RTL4: variants seen among roughly 807,000 people sequenced by gnomAD.
RTL4 encodes the protein retrotransposon Gag like 4, also known as retrotransposon Gag-like protein 4.
In RTL4, 4 loss-of-function variants were observed where a neutral mutation model predicts 5.3. That is an observed-to-expected ratio of 0.75 (90% CI 0.37 to 1.72). The LOEUF is 1.72. RTL4 is among the 40% of genes most tolerant of loss of function. The pLI, the probability that RTL4 is intolerant of heterozygous loss-of-function variation, is 0.04. For synonymous variants in RTL4, 98 were observed against 87.3 expected (o/e 1.12, Z -0.68); for missense variants, 260 against 227.1 (o/e 1.14, Z -0.93).
the RTL4 span, among the ~76,000 whole-genome samples, chrX:112,083,293 T>C: frequency 8.9e-6 from 1 of 112,615 alleles, no homozygotes. Flanking sequence ...GAATATCCCC[T>C]GCTTTGGGCA....
At chrX:112,347,373 C>T in the RTL4 span, among the ~76,000 whole-genome samples, 1 of 111,653 alleles carries the variant, frequency 9.0e-6, no homozygotes, top group African/African-American at 3.3e-5. Context: ...GGTCAAGAAA[C>T]TCTTAGCCAG....
At chrX:112,383,943 A>G in the RTL4 span, among the ~76,000 whole-genome samples, 1 of 111,869 alleles carries the variant, frequency 8.9e-6, no homozygotes, top group Non-Finnish European at 1.9e-5. Context: ...CAATATACTC[A>G]GCATCATGCA....
the RTL4 span, among the ~76,000 whole-genome samples, chrX:112,427,309 C>A: frequency 1.8e-5 from 2 of 111,125 alleles, no homozygotes; most frequent in Non-Finnish European, 3.8e-5. Flanking sequence ...TAATGTAATC[C>A]TTCACATCCA....
chrX:112,216,201 C>G, the RTL4 span, among the ~76,000 whole-genome samples: 1 of 111,662 alleles, frequency 9.0e-6, no homozygotes, highest in African/African-American at 3.3e-5. Context: ...TAAAATTTCC[C>G]ATAACCCTTT....
the RTL4 span, among the ~76,000 whole-genome samples, chrX:112,090,110 GTTCTAATA>G: frequency 9.1e-6 from 1 of 110,206 alleles, no homozygotes; most frequent in Non-Finnish European, 1.9e-5. Context: ...TTTTTCATTA[GTTCTAATA>G]GTTGTTTTAT....
the RTL4 span, among the ~76,000 whole-genome samples, chrX:112,159,524 T>C: frequency 8.9e-6 from 1 of 112,187 alleles, no homozygotes; most frequent in Non-Finnish European, 1.9e-5. Context: ...TACCTCTTTC[T>C]TGATGCCAGC....
chrX:112,333,426 A>G, the RTL4 span, among the ~76,000 whole-genome samples: 1 of 111,559 alleles, frequency 9.0e-6, no homozygotes, highest in East Asian at 2.8e-4. Flanking sequence ...TAGATAGGCT[A>G]ATTTGCTTTA....
chrX:112,360,074 C>T, the RTL4 span, among the ~76,000 whole-genome samples: 1 of 111,392 alleles, frequency 9.0e-6, no homozygotes, highest in South Asian at 3.8e-4. Flanking sequence ...GAGTTGTATA[C>T]ATAAGCCTCG....
At chrX:112,181,031 G>T in the RTL4 span, among the ~76,000 whole-genome samples, 1 of 111,771 alleles carries the variant, frequency 8.9e-6, no homozygotes, top group East Asian at 2.8e-4. Flanking sequence ...CACGGAGGGT[G>T]AGCAGAAGCA....
At chrX:112,185,710 CTATT>C in the RTL4 span, among the ~76,000 whole-genome samples, 51 of 108,697 alleles carry the variant, frequency 4.7e-4, no homozygotes, top group African/African-American at 1.6e-3. Flanking sequence ...TTGGCTTTCT[CTATT>C]TATTAATTGT....
At chrX:112,098,258 C>T in the RTL4 span, among the ~76,000 whole-genome samples, 3 of 109,900 alleles carry the variant, frequency 2.7e-5, no homozygotes, top group Middle Eastern at 4.7e-3. Flanking sequence ...TGGTTTCCAG[C>T]TTCATCCATG....
chrX:112,159,651 C>T, the RTL4 span, among the ~76,000 whole-genome samples: 15 of 111,602 alleles, frequency 1.3e-4, 1 homozygote, highest in East Asian at 2.6e-3. Flanking sequence ...TTACTTTATT[C>T]TTCTTTACAC....
the RTL4 span, among the ~76,000 whole-genome samples, chrX:112,100,637 A>G: frequency 1.8e-5 from 2 of 111,817 alleles, no homozygotes; most frequent in African/African-American, 6.5e-5. Context: ...TCTTCCATGG[A>G]AAAAAGAGTC....
At chrX:112,451,551 T>G (rs898409211), upstream of RTL4, among the ~76,000 whole-genome samples, 1 of 111,996 alleles carries the variant, frequency 8.9e-6, no homozygotes, top group African/African-American at 3.2e-5. Context: ...TGCTAATCTC[T>G]CTTCATCTCA....
At chrX:112,114,388 C>A in the RTL4 span, among the ~76,000 whole-genome samples, 1 of 111,780 alleles carries the variant, frequency 8.9e-6, no homozygotes, top group Non-Finnish European at 1.9e-5. Flanking sequence ...TATCTCCAAA[C>A]TCTTGGGCTG....
chrX:112,265,293 G>C, the RTL4 span, among the ~76,000 whole-genome samples: 2 of 112,609 alleles, frequency 1.8e-5, no homozygotes, highest in Non-Finnish European at 3.8e-5. Flanking sequence ...ATCCAGTTTG[G>C]ATGAGAGTCA....
At chrX:112,118,890 T>G in the RTL4 span, among the ~76,000 whole-genome samples, 1 of 111,716 alleles carries the variant, frequency 9.0e-6, no homozygotes, top group Non-Finnish European at 1.9e-5. Context: ...TGTACTATTT[T>G]ATTTTATTTT....
At chrX:112,315,080 G>A in the RTL4 span, among the ~76,000 whole-genome samples, 2 of 111,583 alleles carry the variant, frequency 1.8e-5, no homozygotes, top group Admixed American at 1.9e-4. Flanking sequence ...AACTCTCCTG[G>A]GAGAAGCCAT....
At chrX:112,111,546 T>G in the RTL4 span, among the ~76,000 whole-genome samples, 1 of 112,880 alleles carries the variant, frequency 8.9e-6, no homozygotes, top group Non-Finnish European at 1.9e-5. Flanking sequence ...GGAACTCCCT[T>G]TCTTTCCATG....
Sources: allele counts gnomAD v4.1 joint callset (sites outside exome capture counted in the v4.1 genomes callset), GRCh38; gene constraint gnomAD v4.1.1; transcripts MANE v1.5; gene names NCBI Gene and HGNC (gene_info 2026-07-23, HGNC 2026-07-21).